The following GRIA4 variants were observed in gnomAD, a reference collection of about 807,000 sequenced individuals.
The protein encoded by GRIA4 is glutamate receptor 4.
A neutral mutation model predicts 104.0 loss-of-function variants in GRIA4; 34 were observed. The observed-to-expected ratio is 0.33, with a 90% CI of 0.25 to 0.44. The LOEUF is 0.44. GRIA4 is among the 20% of genes least tolerant of loss of function. The probability of loss-of-function intolerance (pLI) is 1.00; values close to 1 mark genes in which losing one functional copy is unlikely to be tolerated. For missense variants in GRIA4, 750 were observed against 1,096.5 expected, an observed-to-expected ratio of 0.68 and a Z score of 4.46; for synonymous variants, 386 against 381.9, an observed-to-expected ratio of 1.01 and a Z score of -0.13.
chr11:105,800,054 A>T (rs1942652797), intron 4 of GRIA4, among the ~76,000 whole-genome samples: 1 of 152,126 alleles, frequency 6.6e-6, no homozygotes, highest in Non-Finnish European at 1.5e-5. Context: ...AAGCTGGCTT[A>T]GAAAGCAAGA....
intron 3 of GRIA4, among the ~76,000 whole-genome samples, chr11:105,664,155 T>C (rs762933867): frequency 1.5e-4 from 22 of 148,652 alleles, no homozygotes; most frequent in Non-Finnish European, 2.4e-4. Flanking sequence ...AGCCAAGGTG[T>C]TGATTTTATG....
At chr11:105,702,997 C>T (rs1953559978) in intron 3 of GRIA4, among the ~76,000 whole-genome samples, 1 of 152,058 alleles carries the variant, frequency 6.6e-6, no homozygotes, top group Non-Finnish European at 1.5e-5. Context: ...AGATAAATTA[C>T]TTGTCCAGTG....
chr11:105,922,585 T>C (rs1342390355), intron 11 of GRIA4, among the ~76,000 whole-genome samples: 1 of 152,156 alleles, frequency 6.6e-6, no homozygotes, highest in Admixed American at 6.6e-5. Flanking sequence ...TTTGACATTT[T>C]TCCAATAAAG....
intron 4 of GRIA4, among the ~76,000 whole-genome samples, chr11:105,848,274 A>T (rs565186460): frequency 6.6e-6 from 1 of 152,216 alleles, no homozygotes; most frequent in Non-Finnish European, 1.5e-5. Flanking sequence ...TTGAAATTGT[A>T]AACTCTTGTG....
chr11:105,619,619 G>A (rs1037650137), intron 3 of GRIA4, among the ~76,000 whole-genome samples: 13 of 151,880 alleles, frequency 8.6e-5, no homozygotes, highest in African/African-American at 3.1e-4. Flanking sequence ...GGGCCATTCA[G>A]AGAGAGGATT....
At chr11:105,733,129 T>C (rs1444691802) in intron 3 of GRIA4, among the ~76,000 whole-genome samples, 1 of 152,202 alleles carries the variant, frequency 6.6e-6, no homozygotes, top group Non-Finnish European at 1.5e-5. Context: ...CCTGAAAGCA[T>C]TATTGTTATT....
intron 3 of GRIA4, among the ~76,000 whole-genome samples, chr11:105,637,060 G>A (rs535188040): frequency 1.8e-4 from 27 of 152,192 alleles, no homozygotes; most frequent in Admixed American, 8.5e-4. Flanking sequence ...AATTTAGAAC[G>A]TTTATAAGAT....
intron 4 of GRIA4, among the ~76,000 whole-genome samples, chr11:105,765,756 C>T (rs1253546766): frequency 6.6e-6 from 1 of 152,140 alleles, no homozygotes; most frequent in Non-Finnish European, 1.5e-5. Context: ...GCTACTTTCC[C>T]ACTTCTACAG....
chr11:105,956,599 T>C (rs1400858358), intron 14 of GRIA4, among the ~76,000 whole-genome samples: 1 of 152,232 alleles, frequency 6.6e-6, no homozygotes, highest in Non-Finnish European at 1.5e-5. Flanking sequence ...TCAGCATGAT[T>C]TATAATCCTT....
chr11:105,613,453 T>A (rs1420760777), intron 3 of GRIA4: 3 of 152,180 alleles, frequency 2.0e-5, no homozygotes, highest in Admixed American at 1.3e-4. Flanking sequence ...TACATACAAT[T>A]TTGCATGTTT....
chr11:105,778,336 C>T (rs1344423318), intron 4 of GRIA4, among the ~76,000 whole-genome samples: 1 of 152,166 alleles, frequency 6.6e-6, no homozygotes, highest in African/African-American at 2.4e-5. Flanking sequence ...GCATGCTATG[C>T]ACAAATCCCT....
At chr11:105,655,760 C>A (rs1482962322) in intron 3 of GRIA4, among the ~76,000 whole-genome samples, 1 of 152,114 alleles carries the variant, frequency 6.6e-6, no homozygotes, top group Admixed American at 6.6e-5. Context: ...GGTTCCAAGT[C>A]TTTGCTACTG....
intron 3 of GRIA4, among the ~76,000 whole-genome samples, chr11:105,711,587 C>T (rs534251945): frequency 3.9e-5 from 6 of 152,136 alleles, no homozygotes; most frequent in East Asian, 3.9e-4. Flanking sequence ...AACCCAAGAG[C>T]GACTGATCTT....
At position 105,656,240 on chromosome 11, in the gene GRIA4, T is replaced by C. The variant is rs185338652; in HGVS notation, c.247+43806T>C. On this transcript the variant is annotated intron_variant, in intron 3 of 16. Transcript: ENST00000282499. ...GATTCTGGATATTACTATCTGATAT[T>C]TTACAAACCTGACAAAATGAGCAAT... is the stretch of plus-strand genomic sequence containing the variant. Among the ~76,000 whole-genome samples the C allele has an allele frequency of 1.1e-3, 164 of 152,180 alleles. 2 individuals carry two copies. Among genetic ancestry groups the C allele is most frequent in the East Asian group, 1.7e-3 (9 of 5,182 alleles).
chr11:105,868,757 T>A (rs1312171865), intron 5 of GRIA4, among the ~76,000 whole-genome samples: 2 of 152,136 alleles, frequency 1.3e-5, no homozygotes, highest in Admixed American at 1.3e-4. Flanking sequence ...CAGAAATTAC[T>A]ACAGCAAAGC....
intron 5 of GRIA4, among the ~76,000 whole-genome samples, chr11:105,883,757 A>G (rs1946153080): frequency 6.6e-6 from 1 of 152,134 alleles, no homozygotes; most frequent in African/African-American, 2.4e-5. Context: ...GTGTCTTTAT[A>G]GCAGCATGAT....
At chr11:105,911,410 T>G (rs1175833119) in intron 10 of GRIA4, among the ~76,000 whole-genome samples, 1 of 152,048 alleles carries the variant, frequency 6.6e-6, no homozygotes, top group Non-Finnish European at 1.5e-5. Context: ...TTTAAAGTTA[T>G]ATATACTCAG....
At chr11:105,912,473 C>T (rs550940875) in intron 10 of GRIA4, 2 of 923,764 alleles carry the variant, frequency 2.2e-6, no homozygotes, top group Admixed American at 6.8e-5. Flanking sequence ...AGGAAGCATG[C>T]TATCAAAAAA....
intron 3 of GRIA4, among the ~76,000 whole-genome samples, chr11:105,726,288 GA>G (rs1468578717): frequency 6.6e-6 from 1 of 152,094 alleles, no homozygotes; most frequent in African/African-American, 2.4e-5. Context: ...AGTACAAACT[GA>G]GTGGAGCCCA....
Sources: gnomAD v4.1 joint callset for allele counts (sites outside exome capture counted in the v4.1 genomes callset) on GRCh38, gnomAD v4.1.1 for gene constraint, MANE v1.5 for transcripts, NCBI Gene and HGNC (gene_info 2026-07-23, HGNC 2026-07-21) for gene names.